Variants in ASAP1 observed in about 807,000 individuals in gnomAD.
ASAP1 encodes the protein arf-GAP with SH3 domain, ANK repeat and PH domain-containing protein 1.
A neutral mutation model predicts 145.2 loss-of-function variants in ASAP1; 43 were observed. The observed-to-expected ratio is 0.30, with a 90% confidence interval of 0.23 to 0.38. The LOEUF is 0.38. ASAP1 is among the 10% of genes least tolerant of loss of function. The pLI is 1.00. For synonymous variants in ASAP1, 546 were observed against 515.5 expected (o/e 1.06, Z -0.80); for missense variants, 1,018 against 1,355.3 (o/e 0.75, Z 3.91).
Position 130,317,259 on chromosome 8 carries a change from C to T in ASAP1, c.186+40758G>A, listed in dbSNP as rs1358783238. ...GAGGGTTCATTTTATTTTTCACTCA[C>T]CAATCCCCATATCATTATACAGTAA... On this transcript the variant is annotated intron_variant, in intron 3 of 29. Transcript: ENST00000518721. Among the ~76,000 whole-genome samples, 7 of 152,258 alleles carry T rather than the reference C, an allele frequency of 4.6e-5. No individual in the cohort carries two copies. The Middle Eastern group carries it at 0.01, about 222-fold the overall frequency.
intron 3 of ASAP1, among the ~76,000 whole-genome samples, chr8:130,259,438 A>G (rs1378037036): frequency 6.6e-6 from 1 of 152,138 alleles, no homozygotes; most frequent in African/African-American, 2.4e-5. Context: ...CTTTTGTGAG[A>G]CTACACTGAA....
intron 2 of ASAP1, among the ~76,000 whole-genome samples, chr8:130,398,275 G>A (rs559122707): frequency 6.6e-6 from 1 of 152,132 alleles, no homozygotes; most frequent in African/African-American, 2.4e-5. Context: ...CCTTCAAGTC[G>A]CTATCCCCTA....
chr8:130,323,812 T>C (rs1023198210), intron 3 of ASAP1, among the ~76,000 whole-genome samples: 1 of 152,156 alleles, frequency 6.6e-6, no homozygotes, highest in Admixed American at 6.5e-5. Flanking sequence ...CCCTCTAGCC[T>C]TGAGAGACAT....
At chr8:130,092,190 C>A in intron 24 of ASAP1, 47 bp from the exon 25 acceptor site, 1 of 1,535,834 alleles carries the variant, frequency 6.5e-7, no homozygotes, top group Non-Finnish European at 8.7e-7. Context: ...CCCAGTCTCA[C>A]AGATACAAAA....
chr8:130,104,082 T>C (rs1297900864), intron 24 of ASAP1, among the ~76,000 whole-genome samples: 2 of 152,208 alleles, frequency 1.3e-5, no homozygotes, highest in Non-Finnish European at 2.9e-5. Flanking sequence ...CCATAGGGCA[T>C]GATCTGTACT....
chr8:130,133,292 C>T (rs2097585965), intron 15 of ASAP1, among the ~76,000 whole-genome samples: 1 of 152,172 alleles, frequency 6.6e-6, no homozygotes, highest in South Asian at 2.1e-4. Context: ...CAGCTCAGGA[C>T]CAGGGCTAGC....
chr8:130,431,555 T>C lies in ASAP1; in HGVS notation c.-28+11905A>G, dbSNP rs552633867. Among the ~76,000 whole-genome samples, 3 of 152,298 alleles carry C rather than the reference T, an allele frequency of 2.0e-5. No homozygotes were observed. In the East Asian group the frequency reaches 5.8e-4, roughly 29 times the overall value. On this transcript the variant is annotated intron_variant, in intron 1 of 29. Coordinates refer to ENST00000518721, the MANE Select transcript of ASAP1 (RefSeq NM_018482.4). ...TCCATTCTTTACTGGCTGGTTCCTA[T>C]TCGTTATTTAAGATTCGGCTCAAGG...
chr8:130,409,398 C>T (rs1330065295), intron 1 of ASAP1, among the ~76,000 whole-genome samples: 2 of 152,198 alleles, frequency 1.3e-5, no homozygotes, highest in African/African-American at 4.8e-5. Flanking sequence ...GCAACAAGTC[C>T]TGCCTCCCTA....
At chr8:130,177,525 T>C (rs1428994166) in intron 9 of ASAP1, among the ~76,000 whole-genome samples, 2 of 152,164 alleles carry the variant, frequency 1.3e-5, no homozygotes, top group Non-Finnish European at 2.9e-5. Context: ...TCAGGGACCA[T>C]TAGAACACAG....
chr8:130,267,896 T>TA (rs1282143871), intron 3 of ASAP1, among the ~76,000 whole-genome samples: 1 of 152,130 alleles, frequency 6.6e-6, no homozygotes, highest in Non-Finnish European at 1.5e-5. Flanking sequence ...GCTGAAAAAG[T>TA]AGTCTTTCCT....
chr8:130,191,342 A>C (rs540018713), intron 5 of ASAP1, among the ~76,000 whole-genome samples: 5 of 152,320 alleles, frequency 3.3e-5, no homozygotes, highest in African/African-American at 4.8e-5. Flanking sequence ...CTGCAGGAGC[A>C]GATTATAGAT....
chr8:130,402,190 T>C (rs1828827223), intron 1 of ASAP1, among the ~76,000 whole-genome samples: 1 of 152,232 alleles, frequency 6.6e-6, no homozygotes, highest in African/African-American at 2.4e-5. Flanking sequence ...TGCAAGTAAG[T>C]GCTCAGGAAT....
In ASAP1 at chr8:130,112,157, T is replaced by G; in HGVS notation, c.2338A>C (p.Thr780Pro). ...FTNQIFVSTS[T>P]DSPTSPTTEA... is the part of the protein sequence containing the mutation. ...GTGGTTGGTGATGTGGGCGAGTCTGTGCTTGTGGAAACGAAGATCTGGTTG... is the reference window on the plus strand; with the variant it reads ...GTGGTTGGTGATGTGGGCGAGTCTGGGCTTGTGGAAACGAAGATCTGGTTG... The change falls in exon 24 of 30, where the codon ACA becomes CCA. Residue 780 changes from threonine to proline, a missense_variant. Around this residue, in one of 9 missense-constraint regions of ASAP1, gnomAD observed 353 missense variants for 375.4 expected, o/e 0.94. Coordinates refer to ENST00000518721, the MANE Select transcript of ASAP1 (RefSeq NM_018482.4). 1 of 1,614,128 alleles carries G rather than the reference T, an allele frequency of 6.2e-7. No individual in the cohort carries two copies. The highest frequency in any genetic ancestry group is 8.5e-7 in the Non-Finnish European group (1 of 1,180,028).
chr8:130,104,555 G>A (rs543900249), intron 24 of ASAP1, among the ~76,000 whole-genome samples: 63 of 152,354 alleles, frequency 4.1e-4, no homozygotes, highest in African/African-American at 1.3e-3. Flanking sequence ...GGATGGACAC[G>A]TCAGGTTATA....
At chr8:130,155,291 G>T (rs889800960) in intron 12 of ASAP1, among the ~76,000 whole-genome samples, 1 of 152,156 alleles carries the variant, frequency 6.6e-6, no homozygotes, top group East Asian at 1.9e-4. Flanking sequence ...GATTGTGACT[G>T]AGGCACTTTC....
In ASAP1 at chr8:130,182,911, T is replaced by C. The variant is rs940520420; in HGVS notation, c.531-2031A>G. 2.8e-5 allele frequency among the ~76,000 whole-genome samples: 4 copies of C among 141,148 alleles called. No individual in the cohort carries two copies. The East Asian group carries it at 8.2e-4, about 29-fold the overall frequency. 92.6% of individuals were successfully genotyped at this position (141,148 alleles called of 152,430 possible). A position where few individuals can be genotyped will look rare whatever the true frequency, so the allele number is the denominator to read the frequency against. The stretch of plus-strand genomic sequence containing the variant: ...TGACAGCCAAAATAAAAAAGCTAAC[T>C]GAAACAGTGGGGAAAAAACACTGAA... On this transcript the variant is annotated intron_variant, in intron 7 of 29. Transcript: ENST00000518721.
At chr8:130,235,448 C>A (rs960257401) in intron 4 of ASAP1, among the ~76,000 whole-genome samples, 2 of 152,076 alleles carry the variant, frequency 1.3e-5, no homozygotes, top group African/African-American at 4.8e-5. Flanking sequence ...TAGAAGCCCA[C>A]TTTGTGGCAT....
intron 2 of ASAP1, chr8:130,361,880 C>T (rs900717078): frequency 5.9e-5 from 45 of 756,418 alleles, no homozygotes; most frequent in Non-Finnish European, 1.0e-4. Flanking sequence ...AAAATGTGCG[C>T]ACACACATAT....
intron 3 of ASAP1, among the ~76,000 whole-genome samples, chr8:130,352,553 G>C (rs1385158639): frequency 1.3e-5 from 2 of 152,232 alleles, no homozygotes; most frequent in Non-Finnish European, 2.9e-5. Context: ...AACACACACA[G>C]AAGTCTGACT....
Sources: gnomAD v4.1 joint callset for allele counts (sites outside exome capture counted in the v4.1 genomes callset) on GRCh38, gnomAD v4.1.1 for gene constraint, gnomAD v4.1.1 regional missense constraint, MANE v1.5 for transcripts, NCBI Gene and HGNC (gene_info 2026-07-23, HGNC 2026-07-21) for gene names.